The following PCDH11X variants were observed in gnomAD, a reference collection of about 807,000 sequenced individuals.
The protein encoded by PCDH11X is protocadherin-11 X-linked.
In PCDH11X, 18 loss-of-function variants were observed where a neutral mutation model predicts 53.3. That is an observed-to-expected ratio of 0.34 (90% CI 0.23 to 0.50). The LOEUF (loss-of-function observed/expected upper bound fraction) is 0.50. Ranked by LOEUF, PCDH11X falls within the 20% of genes least tolerant of loss-of-function variation. The pLI is 0.98. For missense variants in PCDH11X, 570 were observed against 1,032.4 expected (o/e 0.55, Z 6.14); for synonymous variants, 279 against 393.3 (o/e 0.71, Z 3.44).
intron 6 of PCDH11X, chrX:91,883,861 T>A (rs1940060285): frequency 4.0e-6 from 3 of 751,815 alleles, no homozygotes; most frequent in Non-Finnish European, 4.7e-6. Flanking sequence ...TTATGTTGAT[T>A]GTACTCATGC....
rs747250945 is a variant in PCDH11X, at chrX:92,281,941, A to G, written c.3144+18798A>G. Reference sequence around the variant, plus strand: ...CAGATTTAGACCTTATTCTAAGGTAAGTTGTGACATATACATTCAGATATA... The same window carrying G: ...CAGATTTAGACCTTATTCTAAGGTAGGTTGTGACATATACATTCAGATATA... On this transcript the variant is annotated intron_variant, in intron 8 of 10. Coordinates refer to ENST00000682573, the MANE Select transcript of PCDH11X (RefSeq NM_032968.5). Among the ~76,000 whole-genome samples the G allele has an allele frequency of 2.7e-5, 3 of 111,776 alleles. No individual in the cohort carries two copies. In the East Asian group the frequency reaches 8.4e-4, roughly 31 times the overall value.
rs777501505 is a variant in PCDH11X, at chrX:92,530,413, C to CT, written c.3367+62092dup. ...TATTTTACCGTTTATAAAAACCTTC[C>CT]TACGATGATAGATTTAATCTATAGC... On this transcript the variant is annotated intron_variant, in intron 10 of 10. Coordinates refer to ENST00000682573, the MANE Select transcript of PCDH11X (RefSeq NM_032968.5). Among the ~76,000 whole-genome samples the CT allele has an allele frequency of 2.2e-4, 25 of 111,115 alleles. No homozygotes were observed. In the South Asian group the frequency reaches 2.6e-3, roughly 12 times the overall value.
intron 8 of PCDH11X, among the ~76,000 whole-genome samples, chrX:92,285,477 TC>T (rs1603254646): frequency 1.8e-5 from 2 of 109,971 alleles, no homozygotes; most frequent in Non-Finnish European, 3.8e-5. Flanking sequence ...GGTCGCGAAC[TC>T]CTGACTTCAG....
intron 9 of PCDH11X, among the ~76,000 whole-genome samples, chrX:92,434,226 A>C (rs2072317763): frequency 9.1e-6 from 1 of 109,669 alleles, no homozygotes; most frequent in African/African-American, 3.4e-5. Context: ...ATTTACCCAT[A>C]TGCTGTTTAA....
intron 6 of PCDH11X, among the ~76,000 whole-genome samples, chrX:91,924,064 A>T (rs985670379): frequency 2.7e-5 from 3 of 109,837 alleles, no homozygotes; most frequent in African/African-American, 9.9e-5. Flanking sequence ...CATAATAACA[A>T]CAATAAAAAG....
intron 6 of PCDH11X, among the ~76,000 whole-genome samples, chrX:91,956,801 T>C (rs890088487): frequency 9.2e-4 from 99 of 107,582 alleles, no homozygotes; most frequent in Non-Finnish European, 1.7e-3. Flanking sequence ...AATGTTGGCC[T>C]GTCTTGCTAG....
At chrX:92,554,168 C>A (rs2075009796) in intron 10 of PCDH11X, among the ~76,000 whole-genome samples, 1 of 97,627 alleles carries the variant, frequency 1.0e-5, no homozygotes, top group Admixed American at 1.2e-4. Context: ...CTGTAAGTTC[C>A]TCAAAACATA....
intron 8 of PCDH11X, among the ~76,000 whole-genome samples, chrX:92,355,008 T>C (rs913392824): frequency 1.2e-4 from 13 of 109,648 alleles, no homozygotes; most frequent in Admixed American, 1.1e-3. Context: ...TTTATACTAG[T>C]CTGTAGTTAG....
chrX:91,981,033 T>TACACA (rs1435745200), intron 6 of PCDH11X, among the ~76,000 whole-genome samples: 1 of 102,621 alleles, frequency 9.7e-6, no homozygotes, highest in African/African-American at 3.5e-5. Context: ...TATATATATA[T>TACACA]ATACACTGAA....
At chrX:92,203,376 C>A (rs190127554) in intron 7 of PCDH11X, among the ~76,000 whole-genome samples, 1 of 112,438 alleles carries the variant, frequency 8.9e-6, no homozygotes, top group African/African-American at 3.2e-5. Context: ...AGTTAATTTA[C>A]GCTGTTTGCA....
intron 4 of PCDH11X, among the ~76,000 whole-genome samples, chrX:91,824,111 T>C (rs1165012172): frequency 9.0e-6 from 1 of 111,443 alleles, no homozygotes; most frequent in Non-Finnish European, 1.9e-5. Context: ...CTTAACATTT[T>C]TTCCTTCATT....
intron 6 of PCDH11X, among the ~76,000 whole-genome samples, chrX:91,932,370 A>C (rs1442855564): frequency 3.8e-5 from 4 of 105,261 alleles, no homozygotes; most frequent in Non-Finnish European, 7.8e-5. Flanking sequence ...GGAGAAAGGG[A>C]AAAGAGGTAG....
intron 6 of PCDH11X, among the ~76,000 whole-genome samples, chrX:92,174,525 A>G: frequency 8.9e-6 from 1 of 111,921 alleles, no homozygotes; most frequent in Middle Eastern, 4.6e-3. Context: ...TGAGAATCAA[A>G]AAATGTAGAG....
chrX:92,014,713 T>G (rs1180267025), intron 6 of PCDH11X, among the ~76,000 whole-genome samples: 21 of 111,967 alleles, frequency 1.9e-4, no homozygotes, highest in African/African-American at 6.5e-4. Flanking sequence ...CCATAAAAAA[T>G]GATGAGCTTA....
intron 10 of PCDH11X, among the ~76,000 whole-genome samples, chrX:92,555,872 C>A (rs192693748): frequency 9.0e-6 from 1 of 111,544 alleles, no homozygotes; most frequent in African/African-American, 3.3e-5. Context: ...ATACCCAAAA[C>A]TGGGTAATTT....
chrX:92,352,515 C>T (rs1569471881), intron 8 of PCDH11X, among the ~76,000 whole-genome samples: 1 of 111,165 alleles, frequency 9.0e-6, no homozygotes, highest in Non-Finnish European at 1.9e-5. Context: ...TAGTTTGGAT[C>T]TATTGCTGGT....
At chrX:92,516,797 C>G (rs1450830986) in intron 10 of PCDH11X, among the ~76,000 whole-genome samples, 1 of 112,188 alleles carries the variant, frequency 8.9e-6, no homozygotes, top group Non-Finnish European at 1.9e-5. Context: ...ACGACAACAA[C>G]CTCAACCACA....
intron 6 of PCDH11X, among the ~76,000 whole-genome samples, chrX:91,940,613 C>T (rs150326262): frequency 8.0e-4 from 88 of 110,060 alleles, no homozygotes; most frequent in African/African-American, 2.7e-3. Context: ...TCACTGCAGC[C>T]TCACCCTCCT....
chrX:92,009,879 A>G (rs2062661928), intron 6 of PCDH11X, among the ~76,000 whole-genome samples: 2 of 108,444 alleles, frequency 1.8e-5, no homozygotes, highest in South Asian at 8.2e-4. Context: ...ATTTTTTTGT[A>G]TTTTTAGTAC....
Sources: gnomAD v4.1 joint callset for allele counts (sites outside exome capture counted in the v4.1 genomes callset) on GRCh38, gnomAD v4.1.1 for gene constraint, MANE v1.5 for transcripts, NCBI Gene and HGNC (gene_info 2026-07-23, HGNC 2026-07-21) for gene names.